Variants in SMARCAL1 observed in about 807,000 individuals in gnomAD.
The protein encoded by SMARCAL1 is ATP-driven annealing helicase.
Under a neutral mutation model 94.5 loss-of-function variants are expected in SMARCAL1, and 58 were observed. The observed-to-expected ratio is 0.61, with a 90% CI of 0.50 to 0.76. SMARCAL1 has a LOEUF of 0.76. Among genes scored for constraint, SMARCAL1 ranks in the 30% least tolerant of loss-of-function variants. SMARCAL1 has a pLI of 0.00. For missense variants in SMARCAL1, 1,051 were observed against 1,177.9 expected, an observed-to-expected ratio of 0.89 and a Z score of 1.58; for synonymous variants, 422 against 455.1, an observed-to-expected ratio of 0.93 and a Z score of 0.93.
chr2:216,456,154 AG>A (rs199519209), intron 12 of SMARCAL1, among the ~76,000 whole-genome samples: 14,669 of 152,214 alleles, frequency 0.096, 873 homozygotes, highest in South Asian at 0.19. Context: ...TAGAGAAAAA[AG>A]AATAAAAAGA....
intron 12 of SMARCAL1, 196 bp downstream of exon 12, chr2:216,451,260 G>T: frequency 1.6e-6 from 1 of 616,174 alleles, no homozygotes; most frequent in Non-Finnish European, 2.9e-6. Flanking sequence ...ATATTAAGTT[G>T]TGGTTTTATA....
At chr2:216,452,938 T>C (rs1460742298) in intron 12 of SMARCAL1, among the ~76,000 whole-genome samples, 2 of 152,208 alleles carry the variant, frequency 1.3e-5, no homozygotes, top group Non-Finnish European at 2.9e-5. Flanking sequence ...GTTGGGTGTT[T>C]TATAACTTTA....
chr2:216,477,324 C>A, intron 16 of SMARCAL1, 115 bp downstream of exon 16: 1 of 825,374 alleles, frequency 1.2e-6, no homozygotes, highest in Non-Finnish European at 2.0e-6. Flanking sequence ...CTTTAAGGAT[C>A]TATAGAAAAT....
At chr2:216,480,058 G>GA (rs1268095868) in intron 17 of SMARCAL1, among the ~76,000 whole-genome samples, 1 of 151,398 alleles carries the variant, frequency 6.6e-6, no homozygotes, top group Admixed American at 6.6e-5. Context: ...TCTCAAAAAA[G>GA]AAAAAAAAGA....
intron 5 of SMARCAL1, among the ~76,000 whole-genome samples, chr2:216,421,891 C>T (rs966945580): frequency 1.3e-5 from 2 of 152,260 alleles, no homozygotes; most frequent in South Asian, 2.1e-4. Context: ...GTTTGGGTTC[C>T]GGAGGAGGCT....
intron 12 of SMARCAL1, among the ~76,000 whole-genome samples, chr2:216,457,297 A>G (rs1170318977): frequency 2.6e-5 from 4 of 152,204 alleles, no homozygotes; most frequent in Non-Finnish European, 5.9e-5. Context: ...GAAAGTTAAC[A>G]AGGATATCCT....
At chr2:216,480,259 A>G (rs529061879) in intron 17 of SMARCAL1, among the ~76,000 whole-genome samples, 1 of 152,184 alleles carries the variant, frequency 6.6e-6, no homozygotes, top group Non-Finnish European at 1.5e-5. Flanking sequence ...TTTATCAACT[A>G]CTAGAAAAAG....
At chr2:216,477,745 G>C (rs764183575) in intron 16 of SMARCAL1, among the ~76,000 whole-genome samples, 165 of 152,114 alleles carry the variant, frequency 1.1e-3, no homozygotes, top group Non-Finnish European at 1.4e-3. Flanking sequence ...ATCTCAAAAA[G>C]CTTCTTCCCC....
chr2:216,450,987 G>A lies in SMARCAL1; in HGVS notation c.1993G>A (p.Ala665Thr). The A allele has an allele frequency of 6.2e-7, 1 of 1,614,192 alleles. No individual in the cohort carries two copies. The highest frequency in any genetic ancestry group is 8.5e-7 in the Non-Finnish European group (1 of 1,180,030). The change falls in exon 12 of 18, where the codon GCC (alanine) becomes ACC (threonine). Residue 665 changes from alanine to threonine, a missense_variant. Around this residue, in one of 3 missense-constraint regions of SMARCAL1, gnomAD observed 642 missense variants for 754.7 expected, o/e 0.85. Coordinates refer to ENST00000357276, the MANE Select transcript of SMARCAL1 (RefSeq NM_014140.4). ...CAAGCAGCGCAAGATAGTGGTGATT[G>A]CCCCAGGACGGATCAATGCCAGGAC... is the stretch of plus-strand genomic sequence containing the variant. Reference protein sequence around the residue: ...PAKQRKIVVIAPGRINARTRA... With the variant: ...PAKQRKIVVITPGRINARTRA...
chr2:216,467,962 A>G lies in SMARCAL1; in HGVS notation c.2160A>G (p.Leu720=). The part of the protein sequence containing the change: ...IPSVIEYILD[L]LESGREKFLV... ...AATGCAGTGAATATATCTTGGACCT[A>G]CTGGAAAGTGGAAGAGAGAAGTTTT... The change falls in exon 14 of 18, where the codon CTA becomes CTG. Residue 720 remains leucine (L), a synonymous_variant. Coordinates refer to ENST00000357276, the MANE Select transcript of SMARCAL1 (RefSeq NM_014140.4). 6.2e-7 allele frequency: 1 copy of G among 1,610,462 alleles called. No individual in the cohort carries two copies. The highest frequency in any genetic ancestry group is 8.5e-7 in the Non-Finnish European group (1 of 1,176,672).
chr2:216,459,707 T>G (rs1225091512), intron 12 of SMARCAL1, among the ~76,000 whole-genome samples: 1 of 151,844 alleles, frequency 6.6e-6, no homozygotes, highest in African/African-American at 2.4e-5. Flanking sequence ...AAGACTTAAA[T>G]GTTAGACCTA....
At chr2:216,429,929 A>G (rs1303428083) in intron 7 of SMARCAL1, among the ~76,000 whole-genome samples, 2 of 152,134 alleles carry the variant, frequency 1.3e-5, no homozygotes, top group African/African-American at 4.8e-5. Context: ...TGTTTTAACC[A>G]GGCTCAGGGT....
At chr2:216,456,417 A>T (rs1411451052) in intron 12 of SMARCAL1, among the ~76,000 whole-genome samples, 1 of 152,230 alleles carries the variant, frequency 6.6e-6, no homozygotes, top group East Asian at 1.9e-4. Flanking sequence ...GTTGAAATGA[A>T]GGAAAAAATG....
chr2:216,478,466 A>G (rs1695135467), intron 17 of SMARCAL1, among the ~76,000 whole-genome samples, 167 bp downstream of exon 17: 1 of 152,194 alleles, frequency 6.6e-6, no homozygotes, highest in Non-Finnish European at 1.5e-5. Context: ...CCATGCATGC[A>G]TCGCTTTATG....
At chr2:216,421,746 T>A (rs1046335240) in intron 5 of SMARCAL1, among the ~76,000 whole-genome samples, 6 of 152,352 alleles carry the variant, frequency 3.9e-5, no homozygotes, top group Admixed American at 2.6e-4. Context: ...TTCCCCATTC[T>A]TGAATTGGTT....
chr2:216,422,225 C>A (rs145301193), intron 5 of SMARCAL1, among the ~76,000 whole-genome samples: 1 of 152,122 alleles, frequency 6.6e-6, no homozygotes, highest in East Asian at 1.9e-4. Flanking sequence ...ACTAAAAATA[C>A]AAAAACTAGC....
intron 11 of SMARCAL1, 42 bp from the exon 12 acceptor site, chr2:216,450,804 G>C: frequency 6.5e-7 from 1 of 1,549,682 alleles, no homozygotes; most frequent in Non-Finnish European, 8.9e-7. Context: ...GACTGGGCCT[G>C]AAAGGAGCCT....
chr2:216,415,879 G>T, intron 3 of SMARCAL1: 1 of 400,214 alleles, frequency 2.5e-6, no homozygotes, highest in South Asian at 2.4e-5. Context: ...TTAAGTGACA[G>T]GCCCAGTTTC....
intron 8 of SMARCAL1, 21 bp from the exon 9 acceptor site, chr2:216,435,317 G>T (rs756850654): frequency 1.2e-6 from 2 of 1,613,900 alleles, no homozygotes; most frequent in South Asian, 2.2e-5. Flanking sequence ...TTGTAGCTTT[G>T]TTCCCTCCTG....
Sources: gnomAD v4.1 joint callset for allele counts (sites outside exome capture counted in the v4.1 genomes callset) on GRCh38, gnomAD v4.1.1 for gene constraint, gnomAD v4.1.1 regional missense constraint, MANE v1.5 for transcripts, NCBI Gene and HGNC (gene_info 2026-07-23, HGNC 2026-07-21) for gene names.